Variants in GAS2 observed in about 807,000 individuals in gnomAD.
GAS2 encodes the protein growth arrest specific 2.
Under a neutral mutation model 37.5 loss-of-function variants are expected in GAS2, and 20 were observed. The observed-to-expected ratio is 0.53, with a 90% CI of 0.37 to 0.77. The LOEUF is 0.77. GAS2 is among the 30% of genes least tolerant of loss of function. The probability of loss-of-function intolerance (pLI) is 0.00; values close to 1 mark genes in which losing one functional copy is unlikely to be tolerated. For synonymous variants in GAS2, 144 were observed against 132.2 expected, an observed-to-expected ratio of 1.09 and a Z score of -0.61; for missense variants, 336 against 373.4, an observed-to-expected ratio of 0.90 and a Z score of 0.82.
chr11:22,674,873 T>C lies in GAS2; in HGVS notation c.4T>C (p.Cys2Arg). Residue 2 changes from cysteine (C) to arginine (R), a missense_variant, in exon 2 of 8, where the codon TGC becomes CGC. By Grantham distance (180) the Cys-to-Arg change is radical. Transcript: ENST00000454584. M[C>R]TALSPKVRSG... ...AGGTATTACAAGTGGATAAATAATGTGCACTGCTCTGAGCCCAAAGGTACG... is the reference window on the plus strand; with the variant it reads ...AGGTATTACAAGTGGATAAATAATGCGCACTGCTCTGAGCCCAAAGGTACG... 1 of 1,590,374 alleles carries C rather than the reference T, an allele frequency of 6.3e-7. No homozygotes were observed. Among genetic ancestry groups the C allele is most frequent in the South Asian group, 1.2e-5 (1 of 85,850 alleles).
intron 1 of GAS2, among the ~76,000 whole-genome samples, chr11:22,641,274 A>T (rs1442135502): frequency 7.3e-6 from 1 of 136,432 alleles, no homozygotes; most frequent in African/African-American, 2.7e-5. Flanking sequence ...ATATATCTTT[A>T]TATATATCTA....
chr11:22,729,343 T>A (rs1174179293), intron 4 of GAS2, among the ~76,000 whole-genome samples: 1 of 151,810 alleles, frequency 6.6e-6, no homozygotes, highest in Non-Finnish European at 1.5e-5. Flanking sequence ...ACTGTTCTCT[T>A]TTCACAACAG....
Position 22,719,230 on chromosome 11 carries a change from ATAG to A in GAS2, c.268-7060_268-7058del, listed in dbSNP as rs568640686. 3.5e-3 allele frequency among the ~76,000 whole-genome samples: 531 copies of A among 152,218 alleles called. 3 individuals are homozygous for A. The highest frequency in any genetic ancestry group is 0.012 in the African/African-American group (494 of 41,534). On this transcript the variant is annotated intron_variant, in intron 3 of 7. Transcript: ENST00000454584. ...ATTATGTGATACATTGTTATTAATAATAGTCACCAGGTTGTACAATAGATCTCC... is the reference window on the plus strand; with the variant it reads ...ATTATGTGATACATTGTTATTAATAATCACCAGGTTGTACAATAGATCTCC...
chr11:22,676,201 G>A (rs1590611784), intron 2 of GAS2, among the ~76,000 whole-genome samples: 1 of 152,174 alleles, frequency 6.6e-6, no homozygotes, highest in East Asian at 1.9e-4. Flanking sequence ...ACAGTGCTAT[G>A]GAAGTGTCTC....
At chr11:22,799,576 GTCTA>G (rs1213445136) in intron 7 of GAS2, among the ~76,000 whole-genome samples, 22 of 151,688 alleles carry the variant, frequency 1.5e-4, no homozygotes, top group Non-Finnish European at 2.4e-4. Flanking sequence ...TTTGACCCAC[GTCTA>G]TCTTTCTCTC....
intron 7 of GAS2, 79 bp downstream of exon 7, chr11:22,756,032 G>A: frequency 2.0e-6 from 2 of 976,944 alleles, no homozygotes; most frequent in East Asian, 2.5e-5. Flanking sequence ...ACAGATAAGA[G>A]CAGGAACTTC....
intron 3 of GAS2, among the ~76,000 whole-genome samples, chr11:22,709,791 G>A (rs1184500815): frequency 3.3e-5 from 5 of 152,162 alleles, no homozygotes; most frequent in Non-Finnish European, 7.3e-5. Flanking sequence ...ACTGGATTAA[G>A]AAAATGTGGC....
intron 2 of GAS2, among the ~76,000 whole-genome samples, chr11:22,677,340 T>C (rs558438280): frequency 6.6e-6 from 1 of 152,242 alleles, no homozygotes; most frequent in African/African-American, 2.4e-5. Context: ...AGGAGCTTGG[T>C]ACATTGCAAG....
Position 22,639,605 on chromosome 11 carries a change from A to G in GAS2, c.-21+13792A>G, listed in dbSNP as rs115248342. 1.8e-3 allele frequency among the ~76,000 whole-genome samples: 279 copies of G among 152,296 alleles called. 5 individuals are homozygous for G. The highest frequency in any genetic ancestry group is 1.9e-3 in the Non-Finnish European group (126 of 68,012). ...TTGTAATGGATAGAAGACTTTATGCATGTAAAATCTGATGATTAGGTTTTC... is the reference window on the plus strand; with the variant it reads ...TTGTAATGGATAGAAGACTTTATGCGTGTAAAATCTGATGATTAGGTTTTC... On this transcript the variant is annotated intron_variant, in intron 1 of 5. Coordinates refer to the GAS2 transcript ENST00000528582.
At chr11:22,809,491 T>A (rs192859957) in intron 7 of GAS2, among the ~76,000 whole-genome samples, 3 of 151,888 alleles carry the variant, frequency 2.0e-5, no homozygotes, top group African/African-American at 7.2e-5. Context: ...ATTATTATTA[T>A]TATCATTATT....
chr11:22,641,850 C>G (rs900165530), intron 1 of GAS2, among the ~76,000 whole-genome samples: 1 of 152,158 alleles, frequency 6.6e-6, no homozygotes, highest in Non-Finnish European at 1.5e-5. Context: ...TCCCAAATAC[C>G]TGTCATTGCC....
intron 3 of GAS2, among the ~76,000 whole-genome samples, chr11:22,705,783 A>T (rs11604891): frequency 0.053 from 8,050 of 152,294 alleles, 296 homozygotes; most frequent in Middle Eastern, 0.13. Context: ...TGGTAATTAA[A>T]AAGTATGCAA....
chr11:22,807,197 G>A (rs921824522), intron 7 of GAS2, among the ~76,000 whole-genome samples: 1 of 152,164 alleles, frequency 6.6e-6, no homozygotes, highest in Non-Finnish European at 1.5e-5. Context: ...AAGCTGCAGA[G>A]CACTGACTAG....
intron 7 of GAS2, among the ~76,000 whole-genome samples, chr11:22,808,161 C>T (rs1275862210): frequency 6.6e-6 from 1 of 152,148 alleles, no homozygotes; most frequent in Non-Finnish European, 1.5e-5. Context: ...CTCACAATGA[C>T]ACAAAATCAA....
intron 3 of GAS2, among the ~76,000 whole-genome samples, chr11:22,687,547 G>A (rs1414029378): frequency 6.6e-6 from 1 of 152,144 alleles, no homozygotes. Context: ...GCTAGTAAGT[G>A]ACCAAGCAAG....
At chr11:22,707,489 A>C (rs1851184386) in intron 3 of GAS2, among the ~76,000 whole-genome samples, 1 of 152,156 alleles carries the variant, frequency 6.6e-6, no homozygotes, top group Non-Finnish European at 1.5e-5. Flanking sequence ...CTTGACTCTC[A>C]GCTGATCTAG....
intron 3 of GAS2, among the ~76,000 whole-genome samples, chr11:22,695,930 C>T (rs557405591): frequency 1.1e-4 from 16 of 151,900 alleles, no homozygotes; most frequent in Non-Finnish European, 1.9e-4. Flanking sequence ...ATTTCTAAAA[C>T]GTTGTTTTTT....
intron 7 of GAS2, among the ~76,000 whole-genome samples, chr11:22,773,119 A>G (rs906181412): frequency 6.6e-6 from 1 of 152,092 alleles, no homozygotes; most frequent in African/African-American, 2.4e-5. Flanking sequence ...GAGGCTACAT[A>G]GTGCCAATCT....
chr11:22,714,044 TG>T (rs919792623), intron 3 of GAS2, among the ~76,000 whole-genome samples: 1 of 152,078 alleles, frequency 6.6e-6, no homozygotes, highest in African/African-American at 2.4e-5. Flanking sequence ...ATACTAACAT[TG>T]AATGTAAATG....
Sources: allele counts gnomAD v4.1 joint callset (sites outside exome capture counted in the v4.1 genomes callset), GRCh38; gene constraint gnomAD v4.1.1; transcripts MANE v1.5; gene names NCBI Gene and HGNC (gene_info 2026-07-23, HGNC 2026-07-21).